Variants in FAM171A1 observed in about 807,000 individuals in gnomAD.
FAM171A1 encodes family with sequence similarity 171 member A1.
Under a neutral mutation model 74.9 loss-of-function variants are expected in FAM171A1, and 23 were observed. The observed-to-expected ratio is 0.31, with a 90% CI of 0.22 to 0.44. The LOEUF is 0.44. Ranked by LOEUF, FAM171A1 falls within the 20% of genes least tolerant of loss-of-function variation. The probability of loss-of-function intolerance (pLI) is 1.00; values close to 1 mark genes in which losing one functional copy is unlikely to be tolerated. For synonymous variants in FAM171A1, 527 were observed against 505.7 expected (o/e 1.04, Z -0.57); for missense variants, 1,162 against 1,159.2 (o/e 1.00, Z -0.03).
chr10:15,301,413 G>A (rs1466394006), intron 1 of FAM171A1, among the ~76,000 whole-genome samples: 1 of 150,594 alleles, frequency 6.6e-6, no homozygotes, highest in South Asian at 2.1e-4. Flanking sequence ...ACGTTGGCCA[G>A]CCTGGTCTTG....
Position 15,220,968 on chromosome 10 carries a change from C to T in FAM171A1, c.847G>A (p.Ala283Thr). The change falls in exon 6 of 8, where the codon GCC (alanine) becomes ACC (threonine). Residue 283 changes from alanine (A) to threonine (T), a missense_variant. Physicochemically the swap from Ala to Thr is moderately conservative, Grantham distance 58. Coordinates refer to ENST00000378116, the MANE Select transcript of FAM171A1 (RefSeq NM_001010924.2). Reference protein sequence around the residue: ...YIAPQLGYWVAAMSPPIPGPV... With the variant: ...YIAPQLGYWVTAMSPPIPGPV... ...CCTGGGATGGGAGGGGACATGGCGG[C>T]CACCCAGTACCCCAACTGGGGGGCA... The T allele has an allele frequency of 6.2e-7, 1 of 1,613,868 alleles. No individual in the cohort carries two copies. Among genetic ancestry groups the T allele is most frequent in the Non-Finnish European group, 8.5e-7 (1 of 1,179,904 alleles).
intron 3 of FAM171A1, among the ~76,000 whole-genome samples, chr10:15,265,960 G>A (rs1469734395): frequency 1.3e-5 from 2 of 152,170 alleles, no homozygotes; most frequent in African/African-American, 4.8e-5. Flanking sequence ...AAGAACAGGA[G>A]CCAGAGGTGG....
At chr10:15,289,341 T>G (rs1172221692) in intron 1 of FAM171A1, among the ~76,000 whole-genome samples, 2 of 152,144 alleles carry the variant, frequency 1.3e-5, no homozygotes, top group Non-Finnish European at 2.9e-5. Context: ...GTGCACTCTT[T>G]GCTGCTCAGT....
At chr10:15,326,383 T>C (rs965179221) in intron 1 of FAM171A1, among the ~76,000 whole-genome samples, 10 of 152,128 alleles carry the variant, frequency 6.6e-5, no homozygotes, top group Non-Finnish European at 1.2e-4. Flanking sequence ...GGCATGCTCC[T>C]GGCTTACTGC....
At chr10:15,288,520 A>G (rs1264729039) in intron 1 of FAM171A1, among the ~76,000 whole-genome samples, 1 of 152,196 alleles carries the variant, frequency 6.6e-6, no homozygotes, top group Non-Finnish European at 1.5e-5. Flanking sequence ...TCCTGCATTG[A>G]TGATTTATGC....
intron 1 of FAM171A1, among the ~76,000 whole-genome samples, chr10:15,323,356 G>A (rs1268064312): frequency 1.3e-5 from 2 of 152,122 alleles, no homozygotes; most frequent in Admixed American, 1.3e-4. Context: ...GGGAAGCTGA[G>A]ACAGGAGAAT....
chr10:15,358,286 T>C (rs1835956092), intron 1 of FAM171A1, among the ~76,000 whole-genome samples: 1 of 152,160 alleles, frequency 6.6e-6, no homozygotes, highest in South Asian at 2.1e-4. Context: ...AGAAGCTTTT[T>C]TAAAAAGAAA....
chr10:15,299,627 T>C lies in FAM171A1; in HGVS notation c.98-15522A>G, dbSNP rs1037435979. On this transcript the variant is annotated intron_variant, in intron 1 of 7. Coordinates refer to ENST00000378116, the MANE Select transcript of FAM171A1 (RefSeq NM_001010924.2). ...TTACTCTCTCTGGGAAGAGACCAGT[T>C]AGAAAGTGCTACGTGGGAGCCAGTA... 9.9e-5 allele frequency among the ~76,000 whole-genome samples: 15 copies of C among 152,128 alleles called. 1 individual carries two copies. The highest frequency in any genetic ancestry group is 9.2e-4 in the Admixed American group (14 of 15,258).
At chr10:15,349,735 G>A (rs1406312883) in intron 1 of FAM171A1, among the ~76,000 whole-genome samples, 5 of 152,126 alleles carry the variant, frequency 3.3e-5, no homozygotes, top group Non-Finnish European at 7.3e-5. Flanking sequence ...ATCTCTTTCT[G>A]CCCCTGCTAA....
intron 5 of FAM171A1, among the ~76,000 whole-genome samples, chr10:15,228,465 C>T (rs1314074319): frequency 1.3e-5 from 2 of 151,670 alleles, no homozygotes; most frequent in African/African-American, 4.8e-5. Flanking sequence ...ACTTCAGCCT[C>T]CTGAGTAGCT....
At chr10:15,261,013 T>G (rs1437793747) in intron 3 of FAM171A1, among the ~76,000 whole-genome samples, 1 of 152,006 alleles carries the variant, frequency 6.6e-6, no homozygotes, top group East Asian at 1.9e-4. Context: ...GGGAAAGTGT[T>G]TGTATTCACG....
At chr10:15,218,513 T>A (rs1833995673) in intron 6 of FAM171A1, among the ~76,000 whole-genome samples, 1 of 152,228 alleles carries the variant, frequency 6.6e-6, no homozygotes, top group Admixed American at 6.5e-5. Context: ...AATATTAGTA[T>A]AATTTTTTGT....
At position 15,249,231 on chromosome 10, in the gene FAM171A1, G is replaced by A. The variant is rs150012468; in HGVS notation, c.578-416C>T. 7.9e-5 allele frequency among the ~76,000 whole-genome samples: 12 copies of A among 152,080 alleles called. No individual in the cohort carries two copies. In the East Asian group the frequency reaches 2.3e-3, roughly 29 times the overall value. On this transcript the variant is annotated intron_variant, in intron 4 of 7. Transcript: ENST00000378116. Reference sequence around the variant, plus strand: ...CCTGCCTCAGCCTCCCAAGTAGCCGGTATTACAGGCTTCCACTACCCTGAT... The same window carrying A: ...CCTGCCTCAGCCTCCCAAGTAGCCGATATTACAGGCTTCCACTACCCTGAT...
At chr10:15,352,579 C>T (rs1003697962) in intron 1 of FAM171A1, among the ~76,000 whole-genome samples, 1 of 152,184 alleles carries the variant, frequency 6.6e-6, no homozygotes, top group Non-Finnish European at 1.5e-5. Flanking sequence ...AAGAAACATT[C>T]TAACAGTACA....
intron 1 of FAM171A1, among the ~76,000 whole-genome samples, chr10:15,294,899 C>T (rs938941983): frequency 1.3e-5 from 2 of 152,002 alleles, no homozygotes; most frequent in African/African-American, 4.8e-5. Context: ...TGAAGGCATG[C>T]CTTGTTTTTT....
At chr10:15,315,408 C>T (rs533162176) in intron 1 of FAM171A1, among the ~76,000 whole-genome samples, 1 of 152,312 alleles carries the variant, frequency 6.6e-6, no homozygotes, top group African/African-American at 2.4e-5. Context: ...CACATCTGTG[C>T]AGGCCCGTGG....
intron 1 of FAM171A1, among the ~76,000 whole-genome samples, chr10:15,294,712 G>C (rs962725830): frequency 1.3e-5 from 2 of 152,196 alleles, no homozygotes; most frequent in Admixed American, 6.5e-5. Flanking sequence ...AACTGCCACA[G>C]ATTTAGAACT....
chr10:15,221,192 A>G, intron 5 of FAM171A1, 132 bp from the exon 6 acceptor site: 1 of 659,962 alleles, frequency 1.5e-6, no homozygotes, highest in East Asian at 3.2e-5. Flanking sequence ...AAGATGGCCA[A>G]AGTGTCATCT....
At chr10:15,332,129 T>A (rs905059715) in intron 1 of FAM171A1, among the ~76,000 whole-genome samples, 1 of 151,572 alleles carries the variant, frequency 6.6e-6, no homozygotes, top group African/African-American at 2.4e-5. Flanking sequence ...ATTTTTTGTA[T>A]TTTTAGTAGA....
Sources: allele counts gnomAD v4.1 joint callset (sites outside exome capture counted in the v4.1 genomes callset), GRCh38; gene constraint gnomAD v4.1.1; transcripts MANE v1.5; gene names NCBI Gene and HGNC (gene_info 2026-07-23, HGNC 2026-07-21).